The following SLC8A2 variants were observed in gnomAD, a reference collection of about 807,000 sequenced individuals.
SLC8A2 encodes the protein sodium/calcium exchanger 2.
SLC8A2 carries 14 observed loss-of-function variants against 70.2 expected under a neutral mutation model. The observed-to-expected ratio is 0.20, with a 90% confidence interval of 0.13 to 0.31. The LOEUF (loss-of-function observed/expected upper bound fraction) is 0.31. SLC8A2 is among the 10% of genes least tolerant of loss of function. The pLI, the probability that SLC8A2 is intolerant of heterozygous loss-of-function variation, is 1.00. For missense variants in SLC8A2, 779 were observed against 1,320.1 expected, an observed-to-expected ratio of 0.59 and a Z score of 6.35; for synonymous variants, 575 against 594.3, an observed-to-expected ratio of 0.97 and a Z score of 0.47.
At chr19:47,441,965 G>A (rs1374023994) in intron 4 of SLC8A2, among the ~76,000 whole-genome samples, 1 of 152,182 alleles carries the variant, frequency 6.6e-6, no homozygotes, top group Non-Finnish European at 1.5e-5. Context: ...AGCTGGGTGT[G>A]GTGGCACATG....
At position 47,441,457 on chromosome 19, in the gene SLC8A2, G is replaced by A. The variant is rs780017901; in HGVS notation, c.1764-17C>T. ...AGAGTTTTCCTGTGCAGGGGGTAAG[G>A]GGGAGGCAGAACACTCAGTGTAAGG... On this transcript the variant is annotated splice_polypyrimidine_tract_variant and intron_variant, in intron 4 of 9. Coordinates refer to ENST00000236877, the MANE Select transcript of SLC8A2 (RefSeq NM_015063.3). 3 of 1,504,530 alleles carry A rather than the reference G, an allele frequency of 2.0e-6. No individual in the cohort carries two copies. In the African/African-American group the frequency reaches 4.1e-5, roughly 21 times the overall value. The allele number at this position is 1,504,530 out of a possible 1,614,324, so 93.2% of individuals were successfully genotyped here. A position where few individuals can be genotyped will look rare whatever the true frequency, so the allele number is the denominator to read the frequency against.
intron 8 of SLC8A2, among the ~76,000 whole-genome samples, chr19:47,437,187 G>C (rs986411914): frequency 6.8e-6 from 1 of 148,008 alleles, no homozygotes; most frequent in Non-Finnish European, 1.5e-5. Flanking sequence ...ATTTCTGTGT[G>C]TCTCTCTCTC....
In SLC8A2 at chr19:47,432,010, C is replaced by T. The variant is rs981652903; in HGVS notation, c.2389+157G>A. The stretch of plus-strand genomic sequence containing the variant: ...ATTCACATCTTGCACCTAGGGGACC[C>T]GCTGCCTGGCTTCTATTATGCCCCA... On this transcript the variant is annotated intron_variant, in intron 9 of 9. Coordinates refer to ENST00000236877, the MANE Select transcript of SLC8A2 (RefSeq NM_015063.3). The surrounding 1 kb of genome is among the most constrained non-coding windows in gnomAD (Gnocchi z 6.2). 9 of 630,958 alleles carry T rather than the reference C, an allele frequency of 1.4e-5. No individual in the cohort carries two copies. Among genetic ancestry groups the T allele is most frequent in the South Asian group, 2.8e-5 (1 of 35,432 alleles). The allele number at this position is 630,958 out of a possible 1,614,324, so 39.1% of individuals were successfully genotyped here. A position where few individuals can be genotyped will look rare whatever the true frequency, so the allele number is the denominator to read the frequency against.
chr19:47,455,215 G>C (rs1241264190), intron 3 of SLC8A2, among the ~76,000 whole-genome samples: 1 of 152,100 alleles, frequency 6.6e-6, no homozygotes, highest in Non-Finnish European at 1.5e-5. Context: ...AAAGGGATGA[G>C]GGATTGGCTG....
intron 8 of SLC8A2, among the ~76,000 whole-genome samples, chr19:47,434,425 C>T (rs1280615505): frequency 5.9e-5 from 9 of 152,312 alleles, no homozygotes; most frequent in Non-Finnish European, 1.3e-4. Context: ...ACTGTGTGAT[C>T]CTGAATCAGT....
intron 9 of SLC8A2, chr19:47,431,953 CCTT>C (rs1024633295): frequency 1.1e-5 from 5 of 446,132 alleles, no homozygotes; most frequent in African/African-American, 1.0e-4. Flanking sequence ...TTTTATGGGA[CCTT>C]CTACCTGGGT....
At chr19:47,456,549 C>T (rs1431938175) in intron 3 of SLC8A2, among the ~76,000 whole-genome samples, 1 of 152,108 alleles carries the variant, frequency 6.6e-6, no homozygotes, top group Non-Finnish European at 1.5e-5. Context: ...ACCTATAATC[C>T]CAGCAACTCA....
chr19:47,437,118 A>G (rs1336803199), intron 8 of SLC8A2, among the ~76,000 whole-genome samples: 1 of 151,680 alleles, frequency 6.6e-6, no homozygotes, highest in Non-Finnish European at 1.5e-5. Context: ...GGCCCATTTC[A>G]GTTTGCACCG....
intron 8 of SLC8A2, among the ~76,000 whole-genome samples, chr19:47,434,502 C>G (rs926818473): frequency 6.6e-5 from 10 of 152,184 alleles, no homozygotes; most frequent in Admixed American, 2.0e-4. Context: ...TCATGGGAAA[C>G]TTGTGATGAC....
intron 2 of SLC8A2, among the ~76,000 whole-genome samples, chr19:47,463,110 A>G (rs930686179): frequency 3.3e-5 from 5 of 151,672 alleles, no homozygotes; most frequent in Admixed American, 6.6e-5. Flanking sequence ...CCAGGTGGAA[A>G]TGCAGACTGT....
At chr19:47,440,172 C>T (rs1765878741) in intron 6 of SLC8A2, among the ~76,000 whole-genome samples, 1 of 152,108 alleles carries the variant, frequency 6.6e-6, no homozygotes, top group Non-Finnish European at 1.5e-5. Context: ...CTGACCTTGG[C>T]CCCAATTCTA....
At chr19:47,442,662 T>C (rs1967113467) in intron 4 of SLC8A2, among the ~76,000 whole-genome samples, 1 of 152,098 alleles carries the variant, frequency 6.6e-6, no homozygotes, top group Non-Finnish European at 1.5e-5. Context: ...CTTATACTGC[T>C]CTGTTGTCTT....
intron 8 of SLC8A2, 60 bp downstream of exon 8, chr19:47,437,402 C>G: frequency 8.3e-7 from 1 of 1,200,934 alleles, no homozygotes; most frequent in Non-Finnish European, 1.2e-6. Context: ...ATTTCTCCCC[C>G]TTTCCCTGTG....
At position 47,468,319 on chromosome 19, in the gene SLC8A2, C is replaced by T. The variant is rs151247602; in HGVS notation, c.-16-1900G>A. Reference sequence around the variant, plus strand: ...CTTCTCTATTTATGTATTTTTGAGACGGGATCTCACTCTGCCACCCAGGCT... The same window carrying T: ...CTTCTCTATTTATGTATTTTTGAGATGGGATCTCACTCTGCCACCCAGGCT... On this transcript the variant is annotated intron_variant, in intron 1 of 9. Coordinates refer to ENST00000236877, the MANE Select transcript of SLC8A2 (RefSeq NM_015063.3). The surrounding 1 kb of genome is among the most constrained non-coding windows in gnomAD (Gnocchi z 5.1). Among the ~76,000 whole-genome samples, 154 of 152,192 alleles carry T rather than the reference C, an allele frequency of 1.0e-3. 1 individual carries two copies. Among genetic ancestry groups the T allele is most frequent in the African/African-American group, 3.5e-3 (147 of 41,530 alleles).
chr19:47,467,333 G>A (rs1967475996), intron 1 of SLC8A2, among the ~76,000 whole-genome samples: 2 of 152,222 alleles, frequency 1.3e-5, no homozygotes, highest in African/African-American at 4.8e-5. Flanking sequence ...GAGTTTGTTA[G>A]GAGATTCAAA....
Position 47,430,365 on chromosome 19 carries a change from C to T in SLC8A2, c.2490G>A (p.Leu830=). Residue 830 remains leucine (L), a synonymous_variant, in exon 10 of 10, where the codon CTG becomes CTA. Transcript: ENST00000236877. This position sits in a 1 kb window ranked among gnomAD's most constrained non-coding sequence, Gnocchi z 5.9. ...GSNAVNVFLG[L]GVAWSVAAVY... is the part of the protein sequence containing the mutation. ...CGGCGGCCACAGACCAGGCGACGCCCAGGCCAAGGAACACGTTCACCGCGT... is the reference window on the plus strand; with the variant it reads ...CGGCGGCCACAGACCAGGCGACGCCTAGGCCAAGGAACACGTTCACCGCGT... 1 of 1,612,000 alleles carries T rather than the reference C, an allele frequency of 6.2e-7. No individual in the cohort carries two copies. The highest frequency in any genetic ancestry group is 8.5e-7 in the Non-Finnish European group (1 of 1,179,464).
rs1227944811 is a variant in SLC8A2 at position 47,432,385 on chromosome 19, T to A, written c.2171A>T (p.Tyr724Phe). The A allele has an allele frequency of 6.2e-7, 1 of 1,613,358 alleles. No homozygotes were observed. The highest frequency in any genetic ancestry group is 1.7e-5 in the Admixed American group (1 of 59,978). The change falls in exon 9 of 10, where the codon TAC becomes TTC. Residue 724 changes from tyrosine to phenylalanine, a missense_variant. Transcript: ENST00000236877. The surrounding 1 kb of genome is among the most constrained non-coding windows in gnomAD (Gnocchi z 6.2). ...REERLPSCFDYVMHFLTVFWK... is the reference protein window; with the variant it reads ...REERLPSCFDFVMHFLTVFWK... ...GAACACCGTCAGGAAGTGCATCACGTAGTCAAAGCACGACGGCAGCCGCTC... is the reference window on the plus strand; with the variant it reads ...GAACACCGTCAGGAAGTGCATCACGAAGTCAAAGCACGACGGCAGCCGCTC...
At chr19:47,446,853 C>CT (rs35172183) in intron 4 of SLC8A2, among the ~76,000 whole-genome samples, 82,803 of 151,916 alleles carry the variant, frequency 0.55, 25,982 homozygotes, top group Middle Eastern at 0.68. Flanking sequence ...CCGTGTGTGT[C>CT]TATGTGTGTG....
chr19:47,471,152 AGAGAGACAT>A, intron 1 of SLC8A2, among the ~76,000 whole-genome samples: 2 of 151,500 alleles, frequency 1.3e-5, no homozygotes, highest in Non-Finnish European at 2.9e-5. Context: ...AGAGAGAGAG[AGAGAGACAT>A]GCGGACATGG....
Sources: gnomAD v4.1 joint callset for allele counts (sites outside exome capture counted in the v4.1 genomes callset) on GRCh38, gnomAD v4.1.1 for gene constraint, Gnocchi (gnomAD v3.1) non-coding constraint, MANE v1.5 for transcripts, NCBI Gene and HGNC (gene_info 2026-07-23, HGNC 2026-07-21) for gene names.